MUS81: variants seen among roughly 807,000 people sequenced by gnomAD.
MUS81 encodes the protein MUS81 structure-specific endonuclease subunit.
MUS81 carries 69 observed loss-of-function variants against 74.2 expected under a neutral mutation model. The ratio of observed to expected loss-of-function variants is 0.93; its 90% CI spans 0.77 to 1.14. The LOEUF (loss-of-function observed/expected upper bound fraction) is 1.14, where lower values mean the gene tolerates loss of function less well. Ranked by LOEUF, MUS81 falls within the 50% of genes most tolerant of loss-of-function variation. The pLI is 0.00. For synonymous variants in MUS81, 303 were observed against 300.6 expected (o/e 1.01, Z -0.08); for missense variants, 711 against 726.5 (o/e 0.98, Z 0.25).
intron 3 of MUS81, 37 bp downstream of exon 3, chr11:65,861,472 G>A (rs1476322950): frequency 6.5e-7 from 1 of 1,532,122 alleles, no homozygotes; most frequent in East Asian, 2.4e-5. Flanking sequence ...GGCAAAGTGG[G>A]AGTGCGGGAG....
intron 10 of MUS81, 27 bp downstream of exon 10, chr11:65,863,928 C>T: frequency 6.2e-7 from 1 of 1,609,688 alleles, no homozygotes; most frequent in Admixed American, 1.7e-5. Context: ...TGCCAGGCTT[C>T]CCTGCCTGCT....
At chr11:65,866,838 T>G, downstream of MUS81, 1 of 1,554,494 alleles carries the variant, frequency 6.4e-7, no homozygotes, top group Non-Finnish European at 8.8e-7. Context: ...CTTTCTCCCT[T>G]TATTGCCTTT....
chr11:65,866,551 C>T (rs1299096003), downstream of MUS81: 4 of 702,710 alleles, frequency 5.7e-6, no homozygotes, highest in East Asian at 2.7e-5. Context: ...GGCCTCCTGG[C>T]GCTGTCCAGA....
chr11:65,860,257 G>T (rs1248751558), upstream of MUS81: 1 of 456,818 alleles, frequency 2.2e-6, no homozygotes, highest in Non-Finnish European at 4.4e-6. Context: ...TTCAAGACCA[G>T]TCTCCATCTC....
chr11:65,863,163 C>T lies in MUS81; in HGVS notation c.704C>T (p.Pro235Leu), dbSNP rs764218819. The change falls in exon 7 of 16, where the codon CCT (proline) becomes CTT (leucine). Residue 235 changes from proline to leucine, a missense_variant. Transcript: ENST00000308110. The part of the protein sequence containing the change: ...LNVGIGPKEP[P>L]GEETAVPGAA... ...GTGGGCATCGGGCCCAAGGAGCCCC[C>T]TGGGGAGGAGACAGCAGTGCCAGGA... is the stretch of plus-strand genomic sequence containing the variant. The T allele has an allele frequency of 1.9e-5, 30 of 1,613,800 alleles. No homozygotes were observed. Among genetic ancestry groups the T allele is most frequent in the South Asian group, 1.3e-4 (12 of 91,082 alleles).
intron 6 of MUS81, 96 bp downstream of exon 6, chr11:65,862,625 A>AT (rs1555040494): frequency 8.9e-6 from 10 of 1,123,864 alleles, no homozygotes; most frequent in South Asian, 4.0e-5. Context: ...TGCTGTTGAG[A>AT]TTGGGGGGGG....
At chr11:65,865,454 G>T in intron 14 of MUS81, 131 bp downstream of exon 14, 1 of 979,028 alleles carries the variant, frequency 1.0e-6, no homozygotes, top group Non-Finnish European at 1.5e-6. Flanking sequence ...CAGATCCCAG[G>T]GTGCTCGTGG....
intron 6 of MUS81, 136 bp downstream of exon 6, chr11:65,862,665 G>A: frequency 1.2e-6 from 1 of 826,792 alleles, no homozygotes; most frequent in South Asian, 1.6e-5. Context: ...CCCCACTGTT[G>A]GAATACCTGG....
Position 65,862,058 on chromosome 11 carries a change from C to T in MUS81, c.450+13C>T. ...CCGGGAGCACCTGGTGAGCACTGGG[C>T]TACACCGGGAGGCGGAACCATGGCA... On this transcript the variant is annotated intron_variant, in intron 4 of 15. Transcript: ENST00000308110. 1 of 1,604,300 alleles carries T rather than the reference C, an allele frequency of 6.2e-7. No individual in the cohort carries two copies. Among genetic ancestry groups the T allele is most frequent in the Non-Finnish European group, 8.5e-7 (1 of 1,174,580 alleles).
In MUS81 at chr11:65,865,902, C is replaced by T. The variant is rs1859813047; in HGVS notation, c.1589+8C>T. 1 of 1,614,130 alleles carries T rather than the reference C, an allele frequency of 6.2e-7. No individual in the cohort carries two copies. Among genetic ancestry groups the T allele is most frequent in the Non-Finnish European group, 8.5e-7 (1 of 1,180,002 alleles). On this transcript the variant is annotated splice_region_variant and intron_variant, in intron 15 of 15. Transcript: ENST00000308110. ...GTGTGGGCGTCTACAGAGGTGAGGG[C>T]AAGAGACGGAACCTGGAGGGAGTGG...
downstream of MUS81, chr11:65,866,748 G>T (rs763872698): frequency 3.5e-6 from 3 of 863,534 alleles, no homozygotes; most frequent in South Asian, 2.8e-5. Flanking sequence ...GGTGAACTTG[G>T]CCTGCCCCCC....
downstream of MUS81, chr11:65,867,641 A>G: frequency 1.6e-6 from 1 of 612,032 alleles, no homozygotes; most frequent in Non-Finnish European, 2.9e-6. Context: ...GAAAACCAGT[A>G]CCAGGACTCA....
In MUS81 at chr11:65,863,614, C is replaced by T. The variant is rs769044872; in HGVS notation, c.854C>T (p.Pro285Leu). 14 of 1,613,810 alleles carry T rather than the reference C, an allele frequency of 8.7e-6. No homozygotes were observed. The highest frequency in any genetic ancestry group is 2.2e-5 in the East Asian group (1 of 44,894). Reference protein sequence around the residue: ...IGETRGGGHRPELLRELQRLH... With the variant: ...IGETRGGGHRLELLRELQRLH... ...TGCCACTCCAGGGGCGGGCACAGGC[C>T]GGAGCTGCTCCGAGAGCTACAGCGG... Residue 285 changes from proline to leucine, a missense_variant, in exon 9 of 16, where the codon CCG (proline) becomes CTG (leucine). Coordinates refer to ENST00000308110, the MANE Select transcript of MUS81 (RefSeq NM_025128.5).
intron 5 of MUS81, 74 bp from the exon 6 acceptor site, chr11:65,862,370 T>C (rs1859640683): frequency 1.9e-6 from 3 of 1,579,758 alleles, no homozygotes; most frequent in Non-Finnish European, 2.6e-6. Context: ...GTGTGGCCCA[T>C]GGCTGGGGAC....
chr11:65,860,734 G>A lies in MUS81; in HGVS notation c.-20G>A. 6.5e-7 allele frequency: 1 copy of A among 1,532,788 alleles called. No homozygotes were observed. The highest frequency in any genetic ancestry group is 8.7e-7 in the Non-Finnish European group (1 of 1,145,514). The allele number at this position is 1,532,788 out of a possible 1,614,324, so 94.9% of individuals were successfully genotyped here. A position where few individuals can be genotyped will look rare whatever the true frequency, so the allele number is the denominator to read the frequency against. ...CCAGTCCCGCGGGCGTGGAGCGCCG[G>A]AGGACCCGCCCTCGGGCTCATGGCG... On this transcript the variant is annotated 5_prime_UTR_variant, in exon 1 of 16. Coordinates refer to ENST00000308110, the MANE Select transcript of MUS81 (RefSeq NM_025128.5).
At position 65,860,672 on chromosome 11, in the gene MUS81, C is replaced by A; in HGVS notation, c.-82C>A. The A allele has an allele frequency of 6.6e-7, 1 of 1,523,644 alleles. No individual in the cohort carries two copies. Among genetic ancestry groups the A allele is most frequent in the Non-Finnish European group, 8.8e-7 (1 of 1,137,906 alleles). The allele number at this position is 1,523,644 out of a possible 1,614,324, so 94.4% of individuals were successfully genotyped here. ...CCTCTTCCCCCGCCCCGCCCTGGGCCAGGTGTTCGAATCCCGACTCCAGAA... is the reference window on the plus strand; with the variant it reads ...CCTCTTCCCCCGCCCCGCCCTGGGCAAGGTGTTCGAATCCCGACTCCAGAA... On this transcript the variant is annotated 5_prime_UTR_variant, in exon 1 of 16. Transcript: ENST00000308110.
rs149199066 is a variant in MUS81, at chr11:65,863,732, G to C, written c.961+11G>C. 3.1e-6 allele frequency: 5 copies of C among 1,614,050 alleles called. No individual in the cohort carries two copies. The highest frequency in any genetic ancestry group is 1.1e-5 in the South Asian group (1 of 91,078). On this transcript the variant is annotated intron_variant, in intron 9 of 15. Transcript: ENST00000308110. ...ATCCTAGAGACCCAGGTGAAGGGCC[G>C]TGGACAGGCTGGCACCAGGGGCAGG... is the stretch of plus-strand genomic sequence containing the variant.
chr11:65,862,667 A>T (rs1043205601), intron 6 of MUS81, 138 bp downstream of exon 6: 1 of 825,860 alleles, frequency 1.2e-6, no homozygotes. Flanking sequence ...CCACTGTTGG[A>T]ATACCTGGAG....
chr11:65,860,687 C>G lies in MUS81; in HGVS notation c.-67C>G. The stretch of plus-strand genomic sequence containing the variant: ...CGCCCTGGGCCAGGTGTTCGAATCC[C>G]GACTCCAGAACTGGCGGCGTCCCAG... On this transcript the variant is annotated 5_prime_UTR_variant, in exon 1 of 16. Transcript: ENST00000308110. 6.5e-7 allele frequency: 1 copy of G among 1,531,510 alleles called. No homozygotes were observed. Among genetic ancestry groups the G allele is most frequent in the Non-Finnish European group, 8.7e-7 (1 of 1,144,858 alleles). 94.9% of individuals were successfully genotyped at this position (1,531,510 alleles called of 1,614,324 possible).
Sources: gnomAD v4.1 joint callset for allele counts on GRCh38, gnomAD v4.1.1 for gene constraint, MANE v1.5 for transcripts, NCBI Gene and HGNC (gene_info 2026-07-23, HGNC 2026-07-21) for gene names.